BBOF1: variants seen among roughly 807,000 people sequenced by gnomAD.
BBOF1 encodes basal body-orientation factor 1.
Under a neutral mutation model 68.0 loss-of-function variants are expected in BBOF1, and 62 were observed. The observed-to-expected ratio is 0.91, with a 90% CI of 0.74 to 1.13. BBOF1 has a LOEUF of 1.13. Ranked by LOEUF, BBOF1 falls within the 50% of genes most tolerant of loss-of-function variation. The pLI, the probability that BBOF1 is intolerant of heterozygous loss-of-function variation, is 0.00. For missense variants in BBOF1, 534 were observed against 600.1 expected (o/e 0.89, Z 1.15); for synonymous variants, 208 against 198.8 (o/e 1.05, Z -0.39).
At chr14:74,070,396 G>A (rs1043771597), downstream of BBOF1, among the ~76,000 whole-genome samples, 4 of 152,042 alleles carry the variant, frequency 2.6e-5, no homozygotes, top group Non-Finnish European at 5.9e-5. Flanking sequence ...GCGCATGCCT[G>A]TAATCCCAGC....
intron 5 of BBOF1, among the ~76,000 whole-genome samples, chr14:74,041,312 A>T (rs1368378440): frequency 6.6e-6 from 1 of 152,084 alleles, no homozygotes; most frequent in Non-Finnish European, 1.5e-5. Flanking sequence ...CAAATAAAAA[A>T]AAGTTCCTTA....
intron 3 of BBOF1, among the ~76,000 whole-genome samples, chr14:74,032,515 G>A (rs1392540809): frequency 2.7e-5 from 4 of 145,496 alleles, no homozygotes; most frequent in African/African-American, 7.6e-5. Flanking sequence ...TTTTTTTGAG[G>A]CGGAGTCTTG....
Position 74,019,663 on chromosome 14 carries a change from G to A in BBOF1, c.56+129G>A, listed in dbSNP as rs971464225. 3 of 1,446,844 alleles carry A rather than the reference G, an allele frequency of 2.1e-6. No individual in the cohort carries two copies. The African/African-American group carries it at 4.3e-5, about 21-fold the overall frequency. 89.6% of individuals were successfully genotyped at this position (1,446,844 alleles called of 1,614,324 possible). On this transcript the variant is annotated intron_variant, in intron 1 of 11. Transcript: ENST00000394009. ...CTCCCCGGCTCTCCCGGCTTGTGAG[G>A]ATTACAGCTCCCATGTCCATAGTCT...
In BBOF1 at chr14:74,022,987, T is replaced by C; in HGVS notation, c.128T>C (p.Leu43Ser). 6.2e-7 allele frequency: 1 copy of C among 1,613,436 alleles called. No homozygotes were observed. The highest frequency in any genetic ancestry group is 8.5e-7 in the Non-Finnish European group (1 of 1,179,666). The change falls in exon 2 of 12, where the codon TTG becomes TCG. Residue 43 changes from leucine to serine, a missense_variant. By Grantham distance (145) the Leu-to-Ser change is moderately radical. Coordinates refer to ENST00000394009, the MANE Select transcript of BBOF1 (RefSeq NM_025057.3). ...AATGCCTCCCTTTGGGAGGCCAGGTTGGAAGTCACAGAACTCTCTAGGATT... is the reference window on the plus strand; with the variant it reads ...AATGCCTCCCTTTGGGAGGCCAGGTCGGAAGTCACAGAACTCTCTAGGATT... Reference protein sequence around the residue: ...KANASLWEARLEVTELSRIKY... With the variant: ...KANASLWEARSEVTELSRIKY...
At chr14:74,076,156 C>T (rs2060610592) in intron 9 of BBOF1, among the ~76,000 whole-genome samples, 1 of 152,130 alleles carries the variant, frequency 6.6e-6, no homozygotes, top group African/African-American at 2.4e-5. Flanking sequence ...TGTTAAAACT[C>T]ATCAAACTGC....
chr14:74,072,168 A>G (rs985044235), intron 9 of BBOF1: 22 of 1,613,918 alleles, frequency 1.4e-5, no homozygotes, highest in East Asian at 4.5e-5. Context: ...GCCCTAGGTG[A>G]CAGTTTGGAA....
intron 12 of BBOF1, chr14:74,081,375 A>G (rs2060666477): frequency 6.6e-6 from 1 of 152,192 alleles, no homozygotes; most frequent in African/African-American, 2.4e-5. Flanking sequence ...CAGACAATGC[A>G]CTGATCAGCC....
At chr14:74,056,208 T>TTTA (rs1330277061) in intron 9 of BBOF1, among the ~76,000 whole-genome samples, 1 of 149,494 alleles carries the variant, frequency 6.7e-6, no homozygotes, top group Non-Finnish European at 1.5e-5. Flanking sequence ...ATTTTTTTTT[T>TTTA]TTTTTTTTTT....
intron 3 of BBOF1, among the ~76,000 whole-genome samples, chr14:74,029,663 CAA>C (rs935431846): frequency 2.1e-4 from 28 of 134,334 alleles, no homozygotes; most frequent in African/African-American, 5.9e-4. Flanking sequence ...GCCTGGGTGA[CAA>C]GAGTGAAACT....
At chr14:74,057,558 A>C (rs544204880) in intron 11 of BBOF1, 2 of 1,330,990 alleles carry the variant, frequency 1.5e-6, no homozygotes, top group African/African-American at 1.5e-5. Context: ...AAACATAGTG[A>C]CCTTGTGACT....
chr14:74,061,619 C>T (rs2060344050), intron 11 of BBOF1, among the ~76,000 whole-genome samples: 1 of 152,144 alleles, frequency 6.6e-6, no homozygotes, highest in Non-Finnish European at 1.5e-5. Flanking sequence ...AGCCACTGTA[C>T]CCAGCGGCCA....
chr14:74,049,954 GC>G lies in BBOF1; in HGVS notation c.1047del (p.Lys350ArgfsTer15). The part of the protein sequence containing the change: ...DREMNRVKKL[A>X]KNILDERTEV... ...GGAAATGAATCGTGTGAAGAAGCTGGCCAAGAACATACTGGATGAGAGAACA... is the reference window on the plus strand; with the variant it reads ...GGAAATGAATCGTGTGAAGAAGCTGGCAAGAACATACTGGATGAGAGAACA... On this transcript the variant is annotated frameshift_variant, in exon 8 of 12. Coordinates refer to ENST00000394009, the MANE Select transcript of BBOF1 (RefSeq NM_025057.3). LOFTEE classifies it high-confidence loss of function. The G allele has an allele frequency of 6.2e-7, 1 of 1,614,146 alleles. No homozygotes were observed. Among genetic ancestry groups the G allele is most frequent in the Non-Finnish European group, 8.5e-7 (1 of 1,180,038 alleles).
intron 12 of BBOF1, chr14:74,081,295 A>C (rs1370997002): frequency 6.6e-6 from 1 of 152,142 alleles, no homozygotes. Context: ...AGTAAGCAAT[A>C]TTTTGCACAA....
intron 10 of BBOF1, among the ~76,000 whole-genome samples, chr14:74,079,734 A>AT (rs2139816061): frequency 6.6e-6 from 1 of 152,054 alleles, no homozygotes; most frequent in South Asian, 2.1e-4. Context: ...GCCTGGCCTA[A>AT]TTTTTTGTAT....
chr14:74,056,451 C>A (rs1006194178), intron 9 of BBOF1, among the ~76,000 whole-genome samples: 1 of 151,960 alleles, frequency 6.6e-6, no homozygotes, highest in African/African-American at 2.4e-5. Context: ...CTGCCCGCCT[C>A]AGCCTCCTAA....
intron 9 of BBOF1, among the ~76,000 whole-genome samples, chr14:74,075,535 T>C (rs2060603111): frequency 6.6e-6 from 1 of 151,876 alleles, no homozygotes; most frequent in African/African-American, 2.4e-5. Context: ...CACATGCCTG[T>C]GGTCCCAGCT....
In BBOF1 at chr14:74,057,782, C is replaced by T. The variant is rs538493290; in HGVS notation, c.1578+524C>T. 8.8e-5 allele frequency: 95 copies of T among 1,078,468 alleles called. No individual in the cohort carries two copies. The African/African-American group carries it at 1.4e-3, about 16-fold the overall frequency. The allele number at this position is 1,078,468 out of a possible 1,614,324, so 66.8% of individuals were successfully genotyped here. A position where few individuals can be genotyped will look rare whatever the true frequency, so the allele number is the denominator to read the frequency against. ...AAAGAAAATACTGACTTTTTAGCCG[C>T]GATCACATGAATATAACTGATGAGT... On this transcript the variant is annotated intron_variant, in intron 11 of 11. Coordinates refer to ENST00000394009, the MANE Select transcript of BBOF1 (RefSeq NM_025057.3).
At chr14:74,043,587 CAG>C (rs1159812781) in intron 5 of BBOF1, among the ~76,000 whole-genome samples, 2 of 130,050 alleles carry the variant, frequency 1.5e-5, no homozygotes, top group East Asian at 2.6e-4. Context: ...AAAAAAAAGA[CAG>C]AGTCTCACTT....
intron 2 of BBOF1, among the ~76,000 whole-genome samples, chr14:74,026,838 T>G (rs571783143): frequency 6.6e-6 from 1 of 151,596 alleles, no homozygotes; most frequent in South Asian, 2.1e-4. Flanking sequence ...GACAGGAGAA[T>G]CGCTTGAACC....
Sources: gnomAD v4.1 joint callset for allele counts (sites outside exome capture counted in the v4.1 genomes callset) on GRCh38, gnomAD v4.1.1 for gene constraint, MANE v1.5 for transcripts, NCBI Gene and HGNC (gene_info 2026-07-23, HGNC 2026-07-21) for gene names.